Variants in NTNG1 observed in about 807,000 individuals in gnomAD.
NTNG1 encodes netrin-G1.
Under a neutral mutation model 54.0 loss-of-function variants are expected in NTNG1, and 16 were observed. The observed-to-expected ratio is 0.30, with a 90% CI of 0.20 to 0.45. The LOEUF (loss-of-function observed/expected upper bound fraction) is 0.45. Among genes scored for constraint, NTNG1 ranks in the 20% least tolerant of loss-of-function variants. The probability of loss-of-function intolerance (pLI) is 1.00; values close to 1 mark genes in which losing one functional copy is unlikely to be tolerated. For synonymous variants in NTNG1, 255 were observed against 263.1 expected (o/e 0.97, Z 0.30); for missense variants, 530 against 678.7 (o/e 0.78, Z 2.43).
rs753341152 is a variant in NTNG1, at chr1:107,148,399, G to A, written c.-195G>A. ...CAAAGTCCTCAATATACCTGAATAC[G>A]CACAATATCTTAACTCTTCATATTT... On this transcript the variant is annotated 5_prime_UTR_variant, in exon 2 of 8. Coordinates refer to ENST00000370068, the MANE Select transcript of NTNG1 (RefSeq NM_001113226.3). 6 of 564,728 alleles carry A rather than the reference G, an allele frequency of 1.1e-5. No individual in the cohort carries two copies. Among genetic ancestry groups the A allele is most frequent in the Admixed American group, 6.3e-5 (2 of 31,976 alleles). 35.0% of individuals were successfully genotyped at this position (564,728 alleles called of 1,614,324 possible).
intron 5 of NTNG1, chr1:107,409,541 T>C (rs1162605443): frequency 1.3e-5 from 2 of 152,222 alleles, no homozygotes; most frequent in Non-Finnish European, 2.9e-5. Flanking sequence ...TGTTTTGTTT[T>C]GTTTTGTTTT....
At position 107,324,342 on chromosome 1, in the gene NTNG1, C is replaced by A. The variant is rs1361101126; in HGVS notation, c.307C>A (p.Pro103Thr). The change falls in exon 3 of 8, where the codon CCT becomes ACT. Residue 103 changes from proline (P) to threonine (T), a missense_variant. This residue lies in a region of NTNG1 where 318 missense variants were observed against 465.1 expected (regional missense o/e 0.68). Transcript: ENST00000370068. The stretch of plus-strand genomic sequence containing the variant: ...GAGTACCCCTGAGCTGGCACACCCC[C>A]CTGAGCTGATGTTTGATTTTGAAGG... Reference protein sequence around the residue: ...DASTPELAHPPELMFDFEGRH... With the variant: ...DASTPELAHPTELMFDFEGRH... 1 of 1,613,574 alleles carries A rather than the reference C, an allele frequency of 6.2e-7. No homozygotes were observed. The highest frequency in any genetic ancestry group is 2.2e-5 in the East Asian group (1 of 44,856).
intron 7 of NTNG1, among the ~76,000 whole-genome samples, chr1:107,454,859 G>A (rs1255971727): frequency 2.6e-5 from 4 of 152,106 alleles, no homozygotes; most frequent in Non-Finnish European, 4.4e-5. Flanking sequence ...CAGAGGTGAA[G>A]CACATTTGAG....
chr1:107,242,795 G>A (rs1661933216), intron 2 of NTNG1, among the ~76,000 whole-genome samples: 1 of 152,170 alleles, frequency 6.6e-6, no homozygotes, highest in Non-Finnish European at 1.5e-5. Flanking sequence ...CTGCCGAAGT[G>A]GGAACATTTG....
rs142302516 is a variant in NTNG1, at chr1:107,301,924, G to A, written c.247-22358G>A. Among the ~76,000 whole-genome samples the A allele has an allele frequency of 4.5e-4, 69 of 152,166 alleles. No individual in the cohort carries two copies. In the East Asian group the frequency reaches 0.013, roughly 28 times the overall value. On this transcript the variant is annotated intron_variant, in intron 2 of 7. Coordinates refer to ENST00000370068, the MANE Select transcript of NTNG1 (RefSeq NM_001113226.3). ...TGGCTAATACTCCTCCAAGATCTCT[G>A]GGAAATCCTGCTGTGTTCAAGTTTT...
Position 107,481,215 on chromosome 1 carries a change from G to A in NTNG1, c.*375G>A, listed in dbSNP as rs1005251718. 3 of 239,688 alleles carry A rather than the reference G, an allele frequency of 1.3e-5. No individual in the cohort carries two copies. The highest frequency in any genetic ancestry group is 6.6e-5 in the African/African-American group (3 of 45,134). The allele number at this position is 239,688 out of a possible 1,614,324, so 14.8% of individuals were successfully genotyped here. On this transcript the variant is annotated 3_prime_UTR_variant, in exon 8 of 8. Coordinates refer to ENST00000370068, the MANE Select transcript of NTNG1 (RefSeq NM_001113226.3). The stretch of plus-strand genomic sequence containing the variant: ...GCGTGGTGCGCCCTAGTACGACTCC[G>A]CCCAGTGTGTGGACCAACCAAATAG...
At chr1:107,178,985 A>G (rs1369735754) in intron 2 of NTNG1, among the ~76,000 whole-genome samples, 1 of 152,086 alleles carries the variant, frequency 6.6e-6, no homozygotes, top group Non-Finnish European at 1.5e-5. Flanking sequence ...TGTTATTTCC[A>G]CTCATATTTC....
intron 1 of NTNG1, among the ~76,000 whole-genome samples, chr1:107,145,136 C>T (rs1279202863): frequency 6.6e-6 from 1 of 152,040 alleles, no homozygotes; most frequent in Non-Finnish European, 1.5e-5. Context: ...GATGACCTAG[C>T]TTTTAAGAAG....
At chr1:107,404,099 ATG>A (rs1673242524) in intron 4 of NTNG1, among the ~76,000 whole-genome samples, 1 of 138,796 alleles carries the variant, frequency 7.2e-6, no homozygotes. Context: ...ATATATATAT[ATG>A]TATAATTTTA....
intron 2 of NTNG1, among the ~76,000 whole-genome samples, chr1:107,233,050 T>C (rs1443322709): frequency 4.6e-5 from 7 of 152,218 alleles, no homozygotes; most frequent in Non-Finnish European, 4.4e-5. Flanking sequence ...ACCACTAACA[T>C]GTTCTACTTT....
At chr1:107,411,393 A>G (rs968047090) in intron 5 of NTNG1, among the ~76,000 whole-genome samples, 3 of 152,210 alleles carry the variant, frequency 2.0e-5, no homozygotes, top group African/African-American at 7.2e-5. Context: ...AGATGTTTTC[A>G]TACTTGAAAA....
chr1:107,209,534 T>G (rs1308270334), intron 2 of NTNG1, among the ~76,000 whole-genome samples: 3 of 152,166 alleles, frequency 2.0e-5, no homozygotes, highest in Non-Finnish European at 4.4e-5. Context: ...TCTCAGTTAT[T>G]CATCACCTTC....
At chr1:107,402,672 C>T (rs1673113886) in intron 4 of NTNG1, among the ~76,000 whole-genome samples, 1 of 152,104 alleles carries the variant, frequency 6.6e-6, no homozygotes, top group Non-Finnish European at 1.5e-5. Context: ...CACTGCATCT[C>T]CTATCAACAG....
intron 3 of NTNG1, among the ~76,000 whole-genome samples, chr1:107,333,155 G>A (rs1668382005): frequency 6.6e-6 from 1 of 151,926 alleles, no homozygotes; most frequent in African/African-American, 2.4e-5. Flanking sequence ...AATATATTGA[G>A]AGGATAGAGG....
intron 2 of NTNG1, among the ~76,000 whole-genome samples, chr1:107,168,116 C>A (rs1655945441): frequency 6.6e-6 from 1 of 151,900 alleles, no homozygotes; most frequent in Non-Finnish European, 1.5e-5. Flanking sequence ...TGAAGTCTAG[C>A]CTGAAATGAA....
At chr1:107,407,757 C>T (rs1209600829) in intron 5 of NTNG1, 49 bp downstream of exon 5, 6 of 1,513,662 alleles carry the variant, frequency 4.0e-6, no homozygotes, top group Non-Finnish European at 5.5e-6. Flanking sequence ...TCTAGGCTAG[C>T]TTTGCTTTGT....
intron 3 of NTNG1, among the ~76,000 whole-genome samples, chr1:107,363,597 G>A (rs995755923): frequency 1.3e-5 from 2 of 152,002 alleles, no homozygotes; most frequent in Non-Finnish European, 2.9e-5. Context: ...TCTCTTTTCT[G>A]GTTAATTCTA....
chr1:107,396,899 C>T (rs1377663854), intron 4 of NTNG1, among the ~76,000 whole-genome samples: 3 of 152,134 alleles, frequency 2.0e-5, no homozygotes, highest in African/African-American at 4.8e-5. Flanking sequence ...CTGTTGAAGC[C>T]CTCAGCTTCT....
intron 4 of NTNG1, among the ~76,000 whole-genome samples, chr1:107,404,415 T>C (rs1673270528): frequency 6.6e-6 from 1 of 152,148 alleles, no homozygotes; most frequent in Non-Finnish European, 1.5e-5. Flanking sequence ...GTTGCATGTG[T>C]TCAAAGACAA....
Sources: allele counts gnomAD v4.1 joint callset (sites outside exome capture counted in the v4.1 genomes callset), GRCh38; gene constraint gnomAD v4.1.1; regional missense constraint gnomAD v4.1.1; transcripts MANE v1.5; gene names NCBI Gene and HGNC (gene_info 2026-07-23, HGNC 2026-07-21).